NMS: variants seen among roughly 807,000 people sequenced by gnomAD.
The protein encoded by NMS is neuromedin S, also known as neuromedin-S.
NMS carries 30 observed loss-of-function variants against 32.2 expected under a neutral mutation model. The ratio of observed to expected loss-of-function variants is 0.93; its 90% confidence interval spans 0.70 to 1.26. NMS has a LOEUF of 1.26. NMS is among the 50% of genes most tolerant of loss of function. The pLI is 0.00. For synonymous variants in NMS, 76 were observed against 58.5 expected, an observed-to-expected ratio of 1.30 and a Z score of -1.37; for missense variants, 190 against 186.3, an observed-to-expected ratio of 1.02 and a Z score of -0.12.
rs978335453 is a variant in NMS at position 100,474,308 on chromosome 2, C to T, written c.183+769C>T. The stretch of plus-strand genomic sequence containing the variant: ...CCTAGGATAGCCTCCATAATTTCAC[C>T]TTGAGCCACATCTCTTTATCCCTCA... On this transcript the variant is annotated intron_variant, in intron 3 of 9. Transcript: ENST00000376865. Among the ~76,000 whole-genome samples the T allele has an allele frequency of 2.0e-5, 3 of 152,124 alleles. No homozygotes were observed. In the East Asian group the frequency reaches 5.8e-4, roughly 29 times the overall value.
chr2:100,483,246 T>C lies in NMS; in HGVS notation c.450-6T>C. 6.2e-7 allele frequency: 1 copy of C among 1,612,448 alleles called. No individual in the cohort carries two copies. Among genetic ancestry groups the C allele is most frequent in the South Asian group, 1.1e-5 (1 of 90,824 alleles). Reference sequence around the variant, plus strand: ...TGAGCAGTGCATTTTTCTTTTCTTTTTTTAGGATTCAGTGGTGAAAGAAAG... The same window carrying C: ...TGAGCAGTGCATTTTTCTTTTCTTTCTTTAGGATTCAGTGGTGAAAGAAAG... On this transcript the variant is annotated splice_region_variant and splice_polypyrimidine_tract_variant and intron_variant, in intron 9 of 9. Transcript: ENST00000376865.
intron 5 of NMS, among the ~76,000 whole-genome samples, chr2:100,477,673 A>G (rs752766569): frequency 5.3e-5 from 8 of 152,170 alleles, no homozygotes; most frequent in Non-Finnish European, 7.3e-5. Context: ...ATAACCTCTT[A>G]TTATGCACTT....
intron 1 of NMS, among the ~76,000 whole-genome samples, chr2:100,472,217 C>CT (rs1436936742): frequency 2.8e-4 from 43 of 152,204 alleles, no homozygotes; most frequent in African/African-American, 1.0e-3. Context: ...ATTCTTTCGA[C>CT]TGCACTATAG....
At chr2:100,482,057 G>A (rs773481793) in intron 8 of NMS, among the ~76,000 whole-genome samples, 17 of 152,162 alleles carry the variant, frequency 1.1e-4, no homozygotes, top group Non-Finnish European at 2.2e-4. Flanking sequence ...ACAGTGTTGG[G>A]GTCCTAGGAG....
chr2:100,475,358 A>G (rs1677089241), intron 3 of NMS, among the ~76,000 whole-genome samples: 1 of 152,176 alleles, frequency 6.6e-6, no homozygotes, highest in Non-Finnish European at 1.5e-5. Context: ...TTTCCAGAAT[A>G]GGCCAAGTCT....
chr2:100,481,211 T>C (rs776412345), intron 8 of NMS, 44 bp downstream of exon 8: 68 of 1,580,474 alleles, frequency 4.3e-5, no homozygotes, highest in Non-Finnish European at 5.1e-5. Flanking sequence ...CTCGATTCAC[T>C]GCAGCCATCC....
At chr2:100,477,544 A>T (rs989013069) in intron 5 of NMS, 130 bp downstream of exon 5, 8 of 655,160 alleles carry the variant, frequency 1.2e-5, no homozygotes, top group Non-Finnish European at 2.1e-5. Flanking sequence ...GTAGCTTCCC[A>T]GGGGCTTTTC....
Position 100,470,564 on chromosome 2 carries a change from G to A in NMS, c.76G>A (p.Gly26Arg). 2 of 1,612,124 alleles carry A rather than the reference G, an allele frequency of 1.2e-6. No individual in the cohort carries two copies. The highest frequency in any genetic ancestry group is 1.7e-6 in the Non-Finnish European group (2 of 1,178,306). Residue 26 changes from glycine (G) to arginine (R), a missense_variant and splice_region_variant, in exon 1 of 10, where the codon GGA (glycine) becomes AGA (arginine). Gly to Arg is a moderately radical substitution (Grantham distance 125). Coordinates refer to ENST00000376865, the MANE Select transcript of NMS (RefSeq NM_001011717.1). ...CTGCATGCTACAGATTCCCTCCTCA[G>A]GTAAGGGGAGCTTCCTCAGACTCCA... ...CFCMLQIPSS[G>R]FPQPLADPSD...
Position 100,473,552 on chromosome 2 carries a change from GTATATATATAATATATATAAAA to G in NMS, c.183+24_183+45del. The G allele has an allele frequency of 1.8e-6, 2 of 1,130,878 alleles. No homozygotes were observed. Among genetic ancestry groups the G allele is most frequent in the Non-Finnish European group, 2.4e-6 (2 of 834,378 alleles). The allele number at this position is 1,130,878 out of a possible 1,614,324, so 70.1% of individuals were successfully genotyped here. On this transcript the variant is annotated intron_variant, in intron 3 of 9. Transcript: ENST00000376865. The stretch of plus-strand genomic sequence containing the variant: ...TCGCCAACCTAAGGTAAAAAAATGT[GTATATATATAATATATATAAAA>G]TATATATATATGCAACAAACACACT...
At chr2:100,478,244 G>A (rs1677150941) in intron 5 of NMS, among the ~76,000 whole-genome samples, 1 of 152,026 alleles carries the variant, frequency 6.6e-6, no homozygotes, top group Admixed American at 6.5e-5. Context: ...TTACAGGCGT[G>A]AGCCACCATG....
chr2:100,475,577 G>A (rs191281316), intron 3 of NMS, among the ~76,000 whole-genome samples: 44 of 152,212 alleles, frequency 2.9e-4, no homozygotes, highest in Non-Finnish European at 5.6e-4. Context: ...AGCATGCCAC[G>A]GACCAGGTGC....
chr2:100,471,244 T>C (rs1677002221), intron 1 of NMS, among the ~76,000 whole-genome samples: 1 of 152,230 alleles, frequency 6.6e-6, no homozygotes, highest in Admixed American at 6.5e-5. Flanking sequence ...GCAGAACAAC[T>C]ACGGTTGGAA....
chr2:100,481,417 G>A (rs1394614671), intron 8 of NMS, among the ~76,000 whole-genome samples: 1 of 152,198 alleles, frequency 6.6e-6, no homozygotes, highest in Non-Finnish European at 1.5e-5. Context: ...CTGACAGACA[G>A]ACACAAGGTA....
chr2:100,481,137 G>C lies in NMS; in HGVS notation c.384G>C (p.Ala128=), dbSNP rs532961780. 3 of 1,614,116 alleles carry C rather than the reference G, an allele frequency of 1.9e-6. No homozygotes were observed. Among genetic ancestry groups the C allele is most frequent in the Non-Finnish European group, 2.5e-6 (3 of 1,180,008 alleles). ...TCTATATGTTGCAGGATCACACTGC[G>C]ACCTGGGGACGACCCTTTTTCCTTT... The part of the protein sequence containing the change: ...AVDFTKKDHT[A]TWGRPFFLFR... Residue 128 remains alanine, a synonymous_variant, in exon 8 of 10, where the codon GCG becomes GCC. Transcript: ENST00000376865.
chr2:100,481,079 G>A, intron 7 of NMS, 47 bp from the exon 8 acceptor site: 1 of 1,594,708 alleles, frequency 6.3e-7, no homozygotes, highest in Non-Finnish European at 8.6e-7. Flanking sequence ...TGAAGAACTT[G>A]TAATGCAATA....
At chr2:100,482,751 C>CA (rs1677244177) in intron 9 of NMS, among the ~76,000 whole-genome samples, 1 of 152,198 alleles carries the variant, frequency 6.6e-6, no homozygotes, top group Non-Finnish European at 1.5e-5. Context: ...TACGGCCAGG[C>CA]AAGGCTGTTT....
intron 2 of NMS, 51 bp from the exon 3 acceptor site, chr2:100,473,438 C>G (rs774729473): frequency 9.2e-6 from 10 of 1,083,528 alleles, no homozygotes; most frequent in African/African-American, 1.6e-5. Context: ...ATCAATCTCT[C>G]TCTTCATCCC....
intron 2 of NMS, 43 bp from the exon 3 acceptor site, chr2:100,473,445 TC>T: frequency 1.7e-6 from 2 of 1,179,738 alleles, no homozygotes; most frequent in Non-Finnish European, 2.4e-6. Context: ...TCTCTCTTCA[TC>T]CCCCTCATCC....
rs149056157 is a variant in NMS at position 100,477,240 on chromosome 2, C to T, written c.184-4C>T. 365 of 1,613,168 alleles carry T rather than the reference C, an allele frequency of 2.3e-4. 2 individuals carry two copies. In the East Asian group the frequency reaches 6.4e-3, roughly 28 times the overall value. On this transcript the variant is annotated splice_region_variant and splice_polypyrimidine_tract_variant and intron_variant, in intron 3 of 9. Coordinates refer to ENST00000376865, the MANE Select transcript of NMS (RefSeq NM_001011717.1). ...CTAACTTACCCTCACAATTCTCTTTCCAGGATAATCAAGACATATACAAAA... is the reference window on the plus strand; with the variant it reads ...CTAACTTACCCTCACAATTCTCTTTTCAGGATAATCAAGACATATACAAAA...
Sources: gnomAD v4.1 joint callset for allele counts (sites outside exome capture counted in the v4.1 genomes callset) on GRCh38, gnomAD v4.1.1 for gene constraint, MANE v1.5 for transcripts, NCBI Gene and HGNC (gene_info 2026-07-23, HGNC 2026-07-21) for gene names.